Variants in ROBO1 observed in about 807,000 individuals in gnomAD.
ROBO1 encodes the protein roundabout homolog 1.
ROBO1 carries 149 observed loss-of-function variants against 195.9 expected under a neutral mutation model. The observed-to-expected ratio is 0.76, with a 90% CI of 0.67 to 0.87. The LOEUF (loss-of-function observed/expected upper bound fraction) is 0.87, where lower values mean the gene tolerates loss of function less well. ROBO1 is among the 40% of genes least tolerant of loss of function. The probability of loss-of-function intolerance (pLI) is 0.00; values close to 1 mark genes in which losing one functional copy is unlikely to be tolerated. For synonymous variants in ROBO1, 816 were observed against 733.2 expected, an observed-to-expected ratio of 1.11 and a Z score of -1.82; for missense variants, 1,933 against 2,068.3, an observed-to-expected ratio of 0.93 and a Z score of 1.27.
At chr3:79,306,640 T>C (rs1465324134) in intron 2 of ROBO1, among the ~76,000 whole-genome samples, 1 of 152,230 alleles carries the variant, frequency 6.6e-6, no homozygotes, top group African/African-American at 2.4e-5. Context: ...ATATATAGTA[T>C]TATTTTGTTT....
At chr3:78,965,799 AC>A (rs758789177) in intron 3 of ROBO1, among the ~76,000 whole-genome samples, 8 of 152,182 alleles carry the variant, frequency 5.3e-5, no homozygotes, top group Non-Finnish European at 1.0e-4. Context: ...CTGGGTTCTT[AC>A]CCTCTAATCC....
chr3:79,761,041 G>A (rs1704670850), intron 1 of ROBO1, among the ~76,000 whole-genome samples: 2 of 147,772 alleles, frequency 1.4e-5, no homozygotes, highest in South Asian at 4.2e-4. Flanking sequence ...TTTTAATACT[G>A]TATATATACT....
chr3:79,669,808 T>C (rs1468904257), intron 1 of ROBO1, among the ~76,000 whole-genome samples: 1 of 151,934 alleles, frequency 6.6e-6, no homozygotes, highest in African/African-American at 2.4e-5. Flanking sequence ...TGAGGAACCA[T>C]TGGAATGAAA....
intron 2 of ROBO1, among the ~76,000 whole-genome samples, chr3:79,187,588 C>G (rs899873220): frequency 4.6e-5 from 7 of 151,882 alleles, no homozygotes; most frequent in African/African-American, 1.7e-4. Context: ...AAAGTGTTGA[C>G]AGAACTCTTT....
At chr3:79,583,673 T>TATC (rs1943728417) in intron 2 of ROBO1, among the ~76,000 whole-genome samples, 1 of 151,950 alleles carries the variant, frequency 6.6e-6, no homozygotes. Context: ...AGACATTTGG[T>TATC]ATCATTAATC....
chr3:79,297,096 T>G (rs183690326), intron 2 of ROBO1, among the ~76,000 whole-genome samples: 75 of 152,316 alleles, frequency 4.9e-4, no homozygotes, highest in African/African-American at 1.7e-3. Flanking sequence ...ATACAAAATG[T>G]AGTTGGTATT....
At position 79,094,741 on chromosome 3, in the gene ROBO1, G is replaced by A. The variant is rs569377283; in HGVS notation, c.172+30715C>T. 4.6e-5 allele frequency among the ~76,000 whole-genome samples: 7 copies of A among 152,078 alleles called. No homozygotes were observed. In the East Asian group the frequency reaches 1.4e-3, roughly 30 times the overall value. On this transcript the variant is annotated intron_variant, in intron 3 of 30. Transcript: ENST00000464233. The stretch of plus-strand genomic sequence containing the variant: ...ACAAACTATGAAAACTCTGACTTTT[G>A]TGAGGGGGTGTGGCTGAGGGATTCT...
intron 8 of ROBO1, among the ~76,000 whole-genome samples, chr3:78,703,630 A>C (rs1269443827): frequency 2.0e-5 from 3 of 152,244 alleles, no homozygotes; most frequent in Middle Eastern, 6.8e-3. Context: ...AAGGAGAAGA[A>C]AGACACACAA....
chr3:79,322,503 A>T (rs1406347396), intron 2 of ROBO1, among the ~76,000 whole-genome samples: 1 of 152,218 alleles, frequency 6.6e-6, no homozygotes, highest in Non-Finnish European at 1.5e-5. Context: ...GACTAGGAAA[A>T]GGGAATAGAC....
At chr3:79,056,218 T>C (rs1040317553) in intron 3 of ROBO1, among the ~76,000 whole-genome samples, 23 of 152,280 alleles carry the variant, frequency 1.5e-4, no homozygotes, top group African/African-American at 5.1e-4. Context: ...TGCAGCTTGC[T>C]ATCAATGGAA....
intron 5 of ROBO1, among the ~76,000 whole-genome samples, chr3:78,737,129 T>C (rs2082410766): frequency 6.6e-6 from 1 of 152,180 alleles, no homozygotes. Context: ...TTTCTTAATT[T>C]CAGTGTTAGT....
intron 28 of ROBO1, among the ~76,000 whole-genome samples, chr3:78,613,381 G>A (rs768902175): frequency 8.5e-5 from 13 of 152,130 alleles, no homozygotes; most frequent in Non-Finnish European, 8.8e-5. Context: ...TCCCATAAAT[G>A]TAAAATTGCT....
chr3:79,401,015 A>C (rs927850155), intron 2 of ROBO1, among the ~76,000 whole-genome samples: 1 of 151,874 alleles, frequency 6.6e-6, no homozygotes, highest in Non-Finnish European at 1.5e-5. Context: ...AAGTCAAGGC[A>C]ATATAAATAT....
chr3:79,004,165 C>A lies in ROBO1; in HGVS notation c.173-65238G>T, dbSNP rs150395012. 7.2e-5 allele frequency among the ~76,000 whole-genome samples: 11 copies of A among 152,214 alleles called. No homozygotes were observed. The East Asian group carries it at 2.1e-3, about 29-fold the overall frequency. On this transcript the variant is annotated intron_variant, in intron 3 of 30. Coordinates refer to ENST00000464233, the MANE Select transcript of ROBO1 (RefSeq NM_002941.4). The stretch of plus-strand genomic sequence containing the variant: ...AATTACTTCTGAATTTGGTGCTATA[C>A]AACATTTCTACCACAAGTTGTTCCA...
At chr3:78,858,448 G>A (rs560614863) in intron 4 of ROBO1, among the ~76,000 whole-genome samples, 1 of 151,940 alleles carries the variant, frequency 6.6e-6, no homozygotes, top group South Asian at 2.1e-4. Context: ...GGAAAACTGG[G>A]TGAGATGCAG....
At chr3:79,632,029 T>C (rs1945358905) in intron 1 of ROBO1, among the ~76,000 whole-genome samples, 1 of 152,090 alleles carries the variant, frequency 6.6e-6, no homozygotes, top group South Asian at 2.1e-4. Context: ...ATGCTGTTGG[T>C]AGAAATGTAA....
intron 21 of ROBO1, among the ~76,000 whole-genome samples, chr3:78,645,514 T>C (rs1242866642): frequency 6.6e-6 from 1 of 152,008 alleles, no homozygotes; most frequent in African/African-American, 2.4e-5. Context: ...ACTTATACCT[T>C]ATTTCAGCCC....
At chr3:79,460,076 G>T (rs528092670) in intron 2 of ROBO1, among the ~76,000 whole-genome samples, 20 of 152,114 alleles carry the variant, frequency 1.3e-4, no homozygotes, top group Non-Finnish European at 1.0e-4. Context: ...CTATCATCAA[G>T]ACATCAGTTC....
intron 2 of ROBO1, among the ~76,000 whole-genome samples, chr3:79,564,250 TG>T (rs1454688105): frequency 6.6e-6 from 1 of 152,240 alleles, no homozygotes; most frequent in East Asian, 1.9e-4. Flanking sequence ...CTGTGTGCAT[TG>T]GTTCTGTCAA....
Sources: allele counts gnomAD v4.1 joint callset (sites outside exome capture counted in the v4.1 genomes callset), GRCh38; gene constraint gnomAD v4.1.1; transcripts MANE v1.5; gene names NCBI Gene and HGNC (gene_info 2026-07-23, HGNC 2026-07-21).